RIPK1: variants seen among roughly 807,000 people sequenced by gnomAD.
The protein encoded by RIPK1 is receptor interacting serine/threonine kinase 1.
RIPK1 carries 27 observed loss-of-function variants against 62.4 expected under a neutral mutation model. The observed-to-expected ratio is 0.43, with a 90% CI of 0.32 to 0.60. RIPK1 has a LOEUF of 0.60. Ranked by LOEUF, RIPK1 falls within the 20% of genes least tolerant of loss-of-function variation. RIPK1 has a pLI of 0.07. For synonymous variants in RIPK1, 287 were observed against 303.2 expected (o/e 0.95, Z 0.55); for missense variants, 735 against 831.0 (o/e 0.88, Z 1.42).
rs182021047 is a variant in RIPK1 at position 3,087,641 on chromosome 6, G to A, written c.839-1940G>A. Among the ~76,000 whole-genome samples the A allele has an allele frequency of 4.8e-3, 727 of 151,054 alleles. 7 individuals carry two copies. Among genetic ancestry groups the A allele is most frequent in the African/African-American group, 0.017 (702 of 41,088 alleles). On this transcript the variant is annotated intron_variant, in intron 6 of 10. Coordinates refer to ENST00000259808, the MANE Select transcript of RIPK1 (RefSeq NM_001354930.2). Reference sequence around the variant, plus strand: ...CGCAAGCTCTGCCTCCTGGGTTCACGCCATTTTCCTGCCTCAGCCTCCCGA... The same window carrying A: ...CGCAAGCTCTGCCTCCTGGGTTCACACCATTTTCCTGCCTCAGCCTCCCGA...
chr6:3,111,466 G>T (rs868331514), intron 10 of RIPK1, among the ~76,000 whole-genome samples: 1 of 151,160 alleles, frequency 6.6e-6, no homozygotes, highest in Non-Finnish European at 1.5e-5. Flanking sequence ...AGGCCAAAAC[G>T]ACTTGATTAA....
chr6:3,108,922 T>A (rs1376238498), intron 9 of RIPK1, among the ~76,000 whole-genome samples: 1 of 152,136 alleles, frequency 6.6e-6, no homozygotes, highest in Non-Finnish European at 1.5e-5. Flanking sequence ...GTGGCCTACC[T>A]TAGGGCCAGG....
chr6:3,107,768 C>A (rs903752495), intron 9 of RIPK1, among the ~76,000 whole-genome samples: 21 of 151,814 alleles, frequency 1.4e-4, no homozygotes, highest in African/African-American at 5.1e-4. Flanking sequence ...CCAAATACAC[C>A]CGTTTAGTGC....
upstream of RIPK1, chr6:3,068,399 G>A: frequency 1.0e-6 from 1 of 985,448 alleles, no homozygotes; most frequent in South Asian, 4.7e-5. Flanking sequence ...CCGGGACTCA[G>A]ACCCCGGGCG....
chr6:3,090,847 A>G (rs1408173841), intron 7 of RIPK1, among the ~76,000 whole-genome samples: 3 of 106,510 alleles, frequency 2.8e-5, no homozygotes, highest in African/African-American at 8.0e-5. Flanking sequence ...GCACCTAGTA[A>G]CCGCAGAGTA....
chr6:3,103,717 C>T (rs1189131518), intron 7 of RIPK1, among the ~76,000 whole-genome samples: 1 of 152,166 alleles, frequency 6.6e-6, no homozygotes, highest in Non-Finnish European at 1.5e-5. Context: ...AGTCCAATGT[C>T]ATGAAGCTTT....
upstream of RIPK1, among the ~76,000 whole-genome samples, chr6:3,064,418 C>T (rs1283785125): frequency 2.0e-5 from 3 of 152,222 alleles, no homozygotes; most frequent in Admixed American, 6.5e-5. Flanking sequence ...CCTGGTTCTT[C>T]TTCTGTCTTT....
In RIPK1 at chr6:3,072,900, G is replaced by A. The variant is rs1036223226; in HGVS notation, c.-60-3864G>A. 3.3e-5 allele frequency among the ~76,000 whole-genome samples: 5 copies of A among 152,144 alleles called. No individual in the cohort carries two copies. The highest frequency in any genetic ancestry group is 1.9e-4 in the East Asian group (1 of 5,188). On this transcript the variant is annotated intron_variant, in intron 1 of 10. Transcript: ENST00000259808. This position sits in a 1 kb window ranked among gnomAD's most constrained non-coding sequence, Gnocchi z 5.6. ...GCCTAAAATCAATGTTATCTTTTATGCCCTCTGTCTCCACCCGCTCCTACC... is the reference window on the plus strand; with the variant it reads ...GCCTAAAATCAATGTTATCTTTTATACCCTCTGTCTCCACCCGCTCCTACC...
chr6:3,110,474 C>T (rs1272374930), intron 9 of RIPK1, among the ~76,000 whole-genome samples: 1 of 152,112 alleles, frequency 6.6e-6, no homozygotes, highest in African/African-American at 2.4e-5. Flanking sequence ...TCCCAAAGTG[C>T]TGGGATTACA....
At position 3,085,191 on chromosome 6, in the gene RIPK1, T is replaced by A. The variant is rs1759623777; in HGVS notation, c.689-68T>A. 6 of 1,563,368 alleles carry A rather than the reference T, an allele frequency of 3.8e-6. No homozygotes were observed. The East Asian group carries it at 1.3e-4, about 35-fold the overall frequency. On this transcript the variant is annotated intron_variant, in intron 5 of 10. Transcript: ENST00000259808. ...AGAGGCTGAGAAAAATGAGCAGTATTGTTCAAGTTCTGTCACCTTCCTGCC... is the reference window on the plus strand; with the variant it reads ...AGAGGCTGAGAAAAATGAGCAGTATAGTTCAAGTTCTGTCACCTTCCTGCC...
At chr6:3,083,810 A>G (rs932564263) in intron 5 of RIPK1, among the ~76,000 whole-genome samples, 1 of 151,966 alleles carries the variant, frequency 6.6e-6, no homozygotes, top group African/African-American at 2.4e-5. Context: ...ATGCTTCTTA[A>G]ATCTGTGTCT....
intron 9 of RIPK1, among the ~76,000 whole-genome samples, chr6:3,108,499 A>G (rs960922335): frequency 6.6e-6 from 1 of 152,182 alleles, no homozygotes; most frequent in Non-Finnish European, 1.5e-5. Flanking sequence ...CCTCCATGTA[A>G]GCCCGCGGTG....
upstream of RIPK1, among the ~76,000 whole-genome samples, chr6:3,065,338 G>C (rs1204781285): frequency 6.6e-6 from 1 of 151,402 alleles, no homozygotes; most frequent in Non-Finnish European, 1.5e-5. Flanking sequence ...GGGTGGCTGG[G>C]GGTGCGGGTT....
chr6:3,066,637 T>C (rs1055351320), upstream of RIPK1, among the ~76,000 whole-genome samples: 9 of 152,300 alleles, frequency 5.9e-5, no homozygotes, highest in Admixed American at 3.9e-4. Flanking sequence ...CATCCTGGAC[T>C]GTACAGCCTC....
chr6:3,076,878 G>T lies in RIPK1; in HGVS notation c.55G>T (p.Glu19Ter), dbSNP rs751990137. The T allele has an allele frequency of 6.2e-7, 1 of 1,611,718 alleles. No homozygotes were observed. The highest frequency in any genetic ancestry group is 1.7e-5 in the Admixed American group (1 of 59,964). ...TAAGATGAAATCCAGTGACTTCCTG[G>T]AGAGTGCAGAACTGGACAGCGGAGG... ...VIKMKSSDFL[E>*]SAELDSGGFG... Residue 19 changes from glutamate to a stop codon, truncating the protein, a stop_gained, in exon 2 of 11, where the codon GAG becomes TAG. Transcript: ENST00000259808. LOFTEE classifies it high-confidence loss of function.
rs1408155175 is a variant in RIPK1, at chr6:3,113,243, C to T, written c.1920C>T (p.Gly640=). ...TCCAAAAGTGGGTGATGAGGGAAGG[C>T]ATAAAGGGAGCCACGGTGGGGAAGC... ...QMLQKWVMRE[G]IKGATVGKLA... The change falls in exon 11 of 11, where the codon GGC becomes GGT. Residue 640 remains glycine (G), a synonymous_variant. Transcript: ENST00000259808. The surrounding 1 kb of genome is among the most constrained non-coding windows in gnomAD (Gnocchi z 5.0). 1.2e-6 allele frequency: 2 copies of T among 1,614,088 alleles called. No homozygotes were observed. The highest frequency in any genetic ancestry group is 1.7e-6 in the Non-Finnish European group (2 of 1,179,992).
chr6:3,111,103 A>G, intron 10 of RIPK1, 148 bp downstream of exon 10: 2 of 518,112 alleles, frequency 3.9e-6, no homozygotes, highest in Admixed American at 7.4e-5. Flanking sequence ...TAATTTCCAT[A>G]TAATTCCTTT....
Position 3,077,006 on chromosome 6 carries a change from T to C in RIPK1, c.164+19T>C. ...GCATTGAGTGAGTAGGGAGCAGGGGTGGGTGGGCTAAGTTCTGAGCGGGAT... is the reference window on the plus strand; with the variant it reads ...GCATTGAGTGAGTAGGGAGCAGGGGCGGGTGGGCTAAGTTCTGAGCGGGAT... On this transcript the variant is annotated intron_variant, in intron 2 of 10. Transcript: ENST00000259808. 2 of 1,030,002 alleles carry C rather than the reference T, an allele frequency of 1.9e-6. No individual in the cohort carries two copies. The highest frequency in any genetic ancestry group is 3.4e-4 in the Middle Eastern group (1 of 2,938). The allele number at this position is 1,030,002 out of a possible 1,614,324, so 63.8% of individuals were successfully genotyped here. A position where few individuals can be genotyped will look rare whatever the true frequency, so the allele number is the denominator to read the frequency against.
rs1761267939 is a variant in RIPK1, at chr6:3,113,439, AG to A, written c.*104del. 1.7e-6 allele frequency: 2 copies of A among 1,157,796 alleles called. No individual in the cohort carries two copies. The highest frequency in any genetic ancestry group is 5.4e-5 in the Admixed American group (2 of 37,360). The allele number at this position is 1,157,796 out of a possible 1,614,324, so 71.7% of individuals were successfully genotyped here. ...CATTCAGAATTCTGTCCTCACTGAT[AG>A]GGGTTCTGTGTCTGCAGAAATTTTG... On this transcript the variant is annotated 3_prime_UTR_variant, in exon 11 of 11. Transcript: ENST00000259808. This position sits in a 1 kb window ranked among gnomAD's most constrained non-coding sequence, Gnocchi z 5.0.
Sources: allele counts gnomAD v4.1 joint callset (sites outside exome capture counted in the v4.1 genomes callset), GRCh38; gene constraint gnomAD v4.1.1; non-coding constraint Gnocchi (gnomAD v3.1); transcripts MANE v1.5; gene names NCBI Gene and HGNC (gene_info 2026-07-23, HGNC 2026-07-21).